NUP88: variants seen among roughly 807,000 people sequenced by gnomAD.
The protein encoded by NUP88 is nucleoporin 88.
A neutral mutation model predicts 93.9 loss-of-function variants in NUP88; 57 were observed. That is an observed-to-expected ratio of 0.61 (90% CI 0.49 to 0.76). The LOEUF (loss-of-function observed/expected upper bound fraction) is 0.76, where lower values mean the gene tolerates loss of function less well. Ranked by LOEUF, NUP88 falls within the 30% of genes least tolerant of loss-of-function variation. The pLI is 0.00. For synonymous variants in NUP88, 346 were observed against 336.8 expected (o/e 1.03, Z -0.30); for missense variants, 911 against 901.0 (o/e 1.01, Z -0.14).
At chr17:5,408,660 A>C in intron 5 of NUP88, 73 bp downstream of exon 5, 4 of 1,155,588 alleles carry the variant, frequency 3.5e-6, no homozygotes, top group Non-Finnish European at 4.9e-6. Context: ...ATGGCTCCCA[A>C]GTCCAGCCTC....
At chr17:5,409,062 T>C (rs1449668728) in intron 4 of NUP88, among the ~76,000 whole-genome samples, 153 bp from the exon 5 acceptor site, 1 of 152,154 alleles carries the variant, frequency 6.6e-6, no homozygotes, top group Non-Finnish European at 1.5e-5. Context: ...AAAAAATGAT[T>C]ATGAAGAATG....
chr17:5,387,944 G>A (rs947945208), intron 11 of NUP88, 40 bp from the exon 12 acceptor site: 1 of 1,557,744 alleles, frequency 6.4e-7, no homozygotes, highest in East Asian at 2.4e-5. Flanking sequence ...CCTTAGCTGA[G>A]TAAAACAACT....
intron 7 of NUP88, among the ~76,000 whole-genome samples, chr17:5,399,906 T>C (rs1267777648): frequency 6.6e-6 from 1 of 151,982 alleles, no homozygotes; most frequent in Non-Finnish European, 1.5e-5. Context: ...AATACAGAAA[T>C]AAAGTGAGTC....
intron 8 of NUP88, among the ~76,000 whole-genome samples, chr17:5,397,915 A>G (rs894042426): frequency 6.6e-6 from 1 of 151,182 alleles, no homozygotes; most frequent in African/African-American, 2.4e-5. Flanking sequence ...TTTTATTTTC[A>G]TTTTTGAGAT....
At position 5,385,370 on chromosome 17, in the gene NUP88, A is replaced by C. The variant is rs1911864282; in HGVS notation, c.*836T>G. ...GTGCTTATATTCAGTCTGTGCCTAC[A>C]TGTTCTCATGCATGTCTAACCTGAT... On this transcript the variant is annotated 3_prime_UTR_variant, in exon 17 of 17. Transcript: ENST00000573584. 1.3e-5 allele frequency: 3 copies of C among 230,558 alleles called. No individual in the cohort carries two copies. In the Admixed American group the frequency reaches 1.7e-4, roughly 13 times the overall value. The allele number at this position is 230,558 out of a possible 1,614,324, so 14.3% of individuals were successfully genotyped here.
chr17:5,386,859 TG>T (rs1912025273), intron 15 of NUP88, 33 bp from the exon 16 acceptor site: 1 of 1,584,196 alleles, frequency 6.3e-7, no homozygotes, highest in Admixed American at 1.7e-5. Flanking sequence ...ATTTTGGCAG[TG>T]GTTTGCCACA....
At chr17:5,398,357 T>C (rs1912917102) in intron 8 of NUP88, among the ~76,000 whole-genome samples, 1 of 152,074 alleles carries the variant, frequency 6.6e-6, no homozygotes, top group East Asian at 1.9e-4. Flanking sequence ...TGGCACGATA[T>C]CGGCTCACTG....
intron 1 of NUP88, among the ~76,000 whole-genome samples, chr17:5,417,587 C>T (rs1459157805): frequency 1.3e-5 from 2 of 152,234 alleles, no homozygotes; most frequent in East Asian, 1.9e-4. Context: ...GGCTGAAATG[C>T]CAGCACTTTG....
chr17:5,410,063 GGAGAGC>G (rs1489660482), intron 4 of NUP88, among the ~76,000 whole-genome samples: 1 of 152,190 alleles, frequency 6.6e-6, no homozygotes, highest in Non-Finnish European at 1.5e-5. Context: ...AATGGGGTAT[GGAGAGC>G]AGGGAAGTAG....
intron 6 of NUP88, 67 bp from the exon 7 acceptor site, chr17:5,404,313 G>A: frequency 6.4e-7 from 1 of 1,565,744 alleles, no homozygotes; most frequent in Non-Finnish European, 8.8e-7. Flanking sequence ...ATTAAAAACA[G>A]GCAAAAAGCT....
At chr17:5,410,675 C>T (rs778064417) in intron 4 of NUP88, 28 bp downstream of exon 4, 3 of 1,384,380 alleles carry the variant, frequency 2.2e-6, no homozygotes, top group East Asian at 2.3e-5. Context: ...AATTAAAAAA[C>T]CATTTCAAGA....
Position 5,385,847 on chromosome 17 carries a change from A to G in NUP88, c.*359T>C, listed in dbSNP as rs904125954. 2.3e-5 allele frequency: 6 copies of G among 266,178 alleles called. No individual in the cohort carries two copies. The highest frequency in any genetic ancestry group is 1.1e-4 in the East Asian group (2 of 17,582). The allele number at this position is 266,178 out of a possible 1,614,324, so 16.5% of individuals were successfully genotyped here. ...CTTCTCCTTTGAATCCTAGGGTTCT[A>G]TCCCTCTTCAGAGTCATGTTTCTGG... On this transcript the variant is annotated 3_prime_UTR_variant, in exon 17 of 17. Transcript: ENST00000573584.
At position 5,389,222 on chromosome 17, in the gene NUP88, T is replaced by TA. The variant is rs567966984; in HGVS notation, c.1485-263dup. 1.8e-4 allele frequency among the ~76,000 whole-genome samples: 27 copies of TA among 152,318 alleles called. No individual in the cohort carries two copies. The East Asian group carries it at 5.0e-3, about 28-fold the overall frequency. On this transcript the variant is annotated intron_variant, in intron 10 of 16. Coordinates refer to ENST00000573584, the MANE Select transcript of NUP88 (RefSeq NM_002532.6). ...AAAAGATCAAGGCAGCACAAACACCTAGCATGGATTCTTGGCAAAGGACTT... is the reference window on the plus strand; with the variant it reads ...AAAAGATCAAGGCAGCACAAACACCTAAGCATGGATTCTTGGCAAAGGACTT...
At chr17:5,390,001 A>G (rs550565045) in intron 10 of NUP88, among the ~76,000 whole-genome samples, 1 of 151,692 alleles carries the variant, frequency 6.6e-6, no homozygotes, top group Admixed American at 6.6e-5. Flanking sequence ...CCTCATCTCT[A>G]CTAAAAATAT....
At position 5,387,769 on chromosome 17, in the gene NUP88, G is replaced by T; in HGVS notation, c.1769+10C>A. 6 of 1,612,126 alleles carry T rather than the reference G, an allele frequency of 3.7e-6. No homozygotes were observed. The highest frequency in any genetic ancestry group is 5.1e-6 in the Non-Finnish European group (6 of 1,178,984). On this transcript the variant is annotated intron_variant, in intron 12 of 16. Coordinates refer to ENST00000573584, the MANE Select transcript of NUP88 (RefSeq NM_002532.6). ...AGGGATCGATGGTTTGTGAACACAG[G>T]ACATCATACCTCCGCTGAATCTCCT...
intron 2 of NUP88, 36 bp downstream of exon 2, chr17:5,416,477 A>G (rs761380636): frequency 5.6e-6 from 8 of 1,420,032 alleles, no homozygotes; most frequent in South Asian, 1.3e-5. Flanking sequence ...TTCTGTATAT[A>G]TAATAAATTA....
At chr17:5,409,210 C>T (rs1223445579) in intron 4 of NUP88, among the ~76,000 whole-genome samples, 1 of 151,934 alleles carries the variant, frequency 6.6e-6, no homozygotes, top group Non-Finnish European at 1.5e-5. Context: ...CCCGTTTCTA[C>T]TAAAAATACA....
chr17:5,403,658 T>TCAACAACAACAA (rs55871021), intron 7 of NUP88, among the ~76,000 whole-genome samples: 14 of 150,410 alleles, frequency 9.3e-5, no homozygotes, highest in Middle Eastern at 6.9e-3. Flanking sequence ...AGACACCATC[T>TCAACAACAACAA]CAACAACAAC....
In NUP88 at chr17:5,387,378, C is replaced by A; in HGVS notation, c.1916+8G>T. ...ACTAGGTAACTAAATGTTATACAGC[C>A]CACTGACCTGTTCATGATATCCTCT... On this transcript the variant is annotated splice_region_variant and intron_variant, in intron 14 of 16. Coordinates refer to ENST00000573584, the MANE Select transcript of NUP88 (RefSeq NM_002532.6). 6.2e-7 allele frequency: 1 copy of A among 1,608,642 alleles called. No homozygotes were observed. Among genetic ancestry groups the A allele is most frequent in the South Asian group, 1.1e-5 (1 of 90,934 alleles).
Sources: allele counts gnomAD v4.1 joint callset (sites outside exome capture counted in the v4.1 genomes callset), GRCh38; gene constraint gnomAD v4.1.1; transcripts MANE v1.5; gene names NCBI Gene and HGNC (gene_info 2026-07-23, HGNC 2026-07-21).